Variants in TTC28 observed in about 807,000 individuals in gnomAD.
TTC28 encodes the protein tetratricopeptide repeat protein 28.
TTC28 carries 61 observed loss-of-function variants against 198.0 expected under a neutral mutation model. That is an observed-to-expected ratio of 0.31 (90% CI 0.25 to 0.38). TTC28 has a LOEUF of 0.38. Among genes scored for constraint, TTC28 ranks in the 10% least tolerant of loss-of-function variants. The probability of loss-of-function intolerance (pLI) is 1.00; values close to 1 mark genes in which losing one functional copy is unlikely to be tolerated. For missense variants in TTC28, 2,678 were observed against 3,164.0 expected (o/e 0.85, Z 3.69); for synonymous variants, 1,171 against 1,297.8 (o/e 0.90, Z 2.10).
intron 2 of TTC28, among the ~76,000 whole-genome samples, chr22:28,550,935 T>C (rs1450061858): frequency 1.3e-5 from 2 of 152,000 alleles, no homozygotes; most frequent in Non-Finnish European, 2.9e-5. Flanking sequence ...AACCAAACTT[T>C]AAAGCAATAG....
At chr22:28,626,130 A>C (rs1212908506) in intron 2 of TTC28, among the ~76,000 whole-genome samples, 1 of 152,172 alleles carries the variant, frequency 6.6e-6, no homozygotes, top group Non-Finnish European at 1.5e-5. Context: ...CTTAAATAGG[A>C]CATAAAAAGA....
chr22:28,354,570 G>T (rs1330745514), intron 2 of TTC28, among the ~76,000 whole-genome samples: 3 of 152,032 alleles, frequency 2.0e-5, no homozygotes, highest in Non-Finnish European at 4.4e-5. Flanking sequence ...TTTCTGTCTG[G>T]GGTGATAAAA....
intron 12 of TTC28, among the ~76,000 whole-genome samples, chr22:28,066,293 T>TG (rs1940744498): frequency 6.6e-6 from 1 of 150,444 alleles, no homozygotes; most frequent in South Asian, 2.1e-4. Flanking sequence ...TGTGTGTGTG[T>TG]GTGTGTGTGT....
chr22:28,360,722 C>T (rs79107), intron 2 of TTC28, among the ~76,000 whole-genome samples: 149,131 of 152,328 alleles, frequency 0.98, 72,998 homozygotes, highest in East Asian at 0.99. Context: ...CTTTGTTTTA[C>T]TGCACTTTAC....
intron 2 of TTC28, among the ~76,000 whole-genome samples, chr22:28,585,831 A>C (rs1009527620): frequency 7.2e-5 from 11 of 152,278 alleles, no homozygotes; most frequent in African/African-American, 2.6e-4. Context: ...AATCTGTAGA[A>C]AGATGGGCAA....
At chr22:28,537,642 A>G (rs1182275564) in intron 2 of TTC28, among the ~76,000 whole-genome samples, 4 of 152,180 alleles carry the variant, frequency 2.6e-5, no homozygotes, top group African/African-American at 4.8e-5. Context: ...AATTTTGTAC[A>G]TGTTTACAAA....
intron 1 of TTC28, among the ~76,000 whole-genome samples, chr22:28,639,352 G>T (rs1005754287): frequency 1.3e-5 from 2 of 152,194 alleles, no homozygotes; most frequent in African/African-American, 4.8e-5. Flanking sequence ...ATTTATGAGT[G>T]TAACTTTTTC....
chr22:28,562,915 G>C (rs2049910249), intron 2 of TTC28, among the ~76,000 whole-genome samples: 2 of 152,152 alleles, frequency 1.3e-5, no homozygotes, highest in African/African-American at 4.8e-5. Context: ...TTGAGTTCAG[G>C]AGTTTGAGAC....
rs576504710 is a variant in TTC28, at chr22:28,183,075, T to C, written c.934-19476A>G. Among the ~76,000 whole-genome samples, 15 of 151,380 alleles carry C rather than the reference T, an allele frequency of 9.9e-5. No individual in the cohort carries two copies. The South Asian group carries it at 2.7e-3, about 28-fold the overall frequency. On this transcript the variant is annotated intron_variant, in intron 5 of 22. Transcript: ENST00000397906. ...CTTTTTTTTTTTTTTTTAAATGTTGTAGAGACTGAGTCTCGCTCTGTCACC... is the reference window on the plus strand; with the variant it reads ...CTTTTTTTTTTTTTTTTAAATGTTGCAGAGACTGAGTCTCGCTCTGTCACC...
At chr22:28,542,030 A>G (rs796895155) in intron 2 of TTC28, among the ~76,000 whole-genome samples, 1 of 152,312 alleles carries the variant, frequency 6.6e-6, no homozygotes, top group African/African-American at 2.4e-5. Context: ...TAGAGGCTGC[A>G]GTGAGCTATA....
chr22:28,399,564 C>A (rs976436692), intron 2 of TTC28, among the ~76,000 whole-genome samples: 5 of 152,108 alleles, frequency 3.3e-5, no homozygotes, highest in Non-Finnish European at 7.4e-5. Context: ...CTTGGCCCCC[C>A]AAAGTGCTGG....
chr22:28,227,769 G>A (rs990230011), intron 5 of TTC28, among the ~76,000 whole-genome samples: 1 of 151,740 alleles, frequency 6.6e-6, no homozygotes, highest in Non-Finnish European at 1.5e-5. Context: ...CTGCTAGTGG[G>A]AATGTAAAAT....
At chr22:28,621,565 TA>T (rs947313123) in intron 2 of TTC28, among the ~76,000 whole-genome samples, 1 of 148,748 alleles carries the variant, frequency 6.7e-6, no homozygotes, top group African/African-American at 2.5e-5. Context: ...AAAATAATAA[TA>T]ATAAAAAAAA....
chr22:28,388,749 A>G (rs944839991), intron 2 of TTC28, among the ~76,000 whole-genome samples: 47 of 152,282 alleles, frequency 3.1e-4, no homozygotes, highest in African/African-American at 5.3e-4. Flanking sequence ...GGGCTGAGAC[A>G]ATGGGGTTTT....
chr22:28,040,746 G>A (rs1939597088), intron 12 of TTC28, among the ~76,000 whole-genome samples: 1 of 152,100 alleles, frequency 6.6e-6, no homozygotes, highest in Non-Finnish European at 1.5e-5. Context: ...GGCAATCAGG[G>A]AAGAGAAAGA....
At chr22:28,283,524 C>T (rs1214337587) in intron 5 of TTC28, among the ~76,000 whole-genome samples, 1 of 152,106 alleles carries the variant, frequency 6.6e-6, no homozygotes, top group Non-Finnish European at 1.5e-5. Flanking sequence ...TAGCTACATC[C>T]TAAAGGAAAT....
chr22:28,561,982 A>G (rs1473329658), intron 2 of TTC28, among the ~76,000 whole-genome samples: 1 of 152,200 alleles, frequency 6.6e-6, no homozygotes. Flanking sequence ...TGATTTGTAT[A>G]CCATTATATC....
At chr22:28,663,247 C>CAA (rs527687773) in intron 1 of TTC28, among the ~76,000 whole-genome samples, 4 of 65,748 alleles carry the variant, frequency 6.1e-5, no homozygotes, top group African/African-American at 1.2e-4. Context: ...AACTCCGTCT[C>CAA]AAAAAAAAAA....
intron 2 of TTC28, among the ~76,000 whole-genome samples, chr22:28,622,232 C>G (rs547988375): frequency 9.2e-5 from 14 of 152,050 alleles, no homozygotes; most frequent in Non-Finnish European, 2.9e-5. Context: ...AAAACCACAG[C>G]CTTTGGCCAA....
Sources: gnomAD v4.1 joint callset for allele counts (sites outside exome capture counted in the v4.1 genomes callset) on GRCh38, gnomAD v4.1.1 for gene constraint, MANE v1.5 for transcripts, NCBI Gene and HGNC (gene_info 2026-07-23, HGNC 2026-07-21) for gene names.